The following ZNF287 variants were observed in gnomAD, a reference collection of about 807,000 sequenced individuals.
The protein encoded by ZNF287 is zinc finger protein 287.
Under a neutral mutation model 73.7 loss-of-function variants are expected in ZNF287, and 31 were observed. The observed-to-expected ratio is 0.42, with a 90% CI of 0.32 to 0.57. The LOEUF (loss-of-function observed/expected upper bound fraction) is 0.57, where lower values mean the gene tolerates loss of function less well. Ranked by LOEUF, ZNF287 falls within the 20% of genes least tolerant of loss-of-function variation. The pLI, the probability that ZNF287 is intolerant of heterozygous loss-of-function variation, is 0.13. For missense variants in ZNF287, 641 were observed against 909.3 expected (o/e 0.70, Z 3.79); for synonymous variants, 301 against 307.2 (o/e 0.98, Z 0.21).
chr17:16,568,268 G>T (rs551310670), intron 1 of ZNF287, among the ~76,000 whole-genome samples: 1 of 152,200 alleles, frequency 6.6e-6, no homozygotes, highest in Non-Finnish European at 1.5e-5. Flanking sequence ...TGTAATGACT[G>T]AACGGACTCT....
rs750692974 is a variant in ZNF287 at position 16,563,249 on chromosome 17, T to C, written c.629-17A>G. 6.4e-7 allele frequency: 1 copy of C among 1,569,564 alleles called. No homozygotes were observed. The highest frequency in any genetic ancestry group is 1.7e-4 in the Middle Eastern group (1 of 5,718). ...CTGTAAGTCCTGTTCAGGAGGAATA[T>C]AAAGAATTTTATCCTGGAGATAAAT... is the stretch of plus-strand genomic sequence containing the variant. On this transcript the variant is annotated splice_polypyrimidine_tract_variant and intron_variant, in intron 4 of 5. Coordinates refer to ENST00000395825, the MANE Select transcript of ZNF287 (RefSeq NM_020653.4).
intron 5 of ZNF287, among the ~76,000 whole-genome samples, chr17:16,561,163 A>C (rs180713488): frequency 7.2e-5 from 11 of 152,146 alleles, no homozygotes; most frequent in Admixed American, 6.5e-4. Flanking sequence ...AAAATACAAA[A>C]ACTAGCCGGG....
chr17:16,562,236 G>A (rs540966792), intron 5 of ZNF287, among the ~76,000 whole-genome samples: 5 of 148,880 alleles, frequency 3.4e-5, no homozygotes, highest in Non-Finnish European at 6.0e-5. Context: ...AAAATATGAT[G>A]CAGATATAAA....
At chr17:16,557,546 C>T (rs1907153312) in intron 5 of ZNF287, among the ~76,000 whole-genome samples, 1 of 152,004 alleles carries the variant, frequency 6.6e-6, no homozygotes, top group Non-Finnish European at 1.5e-5. Flanking sequence ...AGTACCCTAA[C>T]CAAAGGTAGA....
Position 16,552,576 on chromosome 17 carries a change from G to A in ZNF287, c.1566C>T (p.His522=), listed in dbSNP as rs768254410. ...TATGTATTTTTTGATGCTGAAGAAG[G>A]TGTGTACTCTGACTGAAAGTCTTCC... ...ECGKTFSQST[H]LLQHQKIHTG... The change falls in exon 6 of 6, where the codon CAC becomes CAT. Residue 522 remains histidine (H), a synonymous_variant. Transcript: ENST00000395825. This position sits in a 1 kb window ranked among gnomAD's most constrained non-coding sequence, Gnocchi z 6.5. 92 of 1,613,950 alleles carry A rather than the reference G, an allele frequency of 5.7e-5. No individual in the cohort carries two copies. The highest frequency in any genetic ancestry group is 7.1e-5 in the Non-Finnish European group (84 of 1,180,006).
In ZNF287 at chr17:16,566,598, T is replaced by G; in HGVS notation, c.428A>C (p.Gln143Pro). Residue 143 changes from glutamine to proline, a missense_variant, in exon 3 of 6, where the codon CAA becomes CCA. Transcript: ENST00000395825. ...EEAPQNSTLS[Q>P]DTPEEDPRGK... ...TCTGGGGTCTTCCTCTGGGGTATCT[T>G]GGGAAAGGGTAGAGTTTTGAGGAGC... 3 of 1,612,836 alleles carry G rather than the reference T, an allele frequency of 1.9e-6. No homozygotes were observed. Among genetic ancestry groups the G allele is most frequent in the Non-Finnish European group, 2.5e-6 (3 of 1,179,516 alleles).
intron 5 of ZNF287, among the ~76,000 whole-genome samples, chr17:16,556,540 A>C (rs998080935): frequency 2.0e-5 from 3 of 152,196 alleles, no homozygotes; most frequent in Non-Finnish European, 4.4e-5. Context: ...AAAAAGTAAT[A>C]AAAAAGAAAA....
In ZNF287 at chr17:16,566,480, A is replaced by T. The variant is rs771121892; in HGVS notation, c.501+45T>A. 7 of 1,541,236 alleles carry T rather than the reference A, an allele frequency of 4.5e-6. No homozygotes were observed. In the South Asian group the frequency reaches 8.1e-5, roughly 18 times the overall value. On this transcript the variant is annotated intron_variant, in intron 3 of 5. Transcript: ENST00000395825. ...GGGCCAGGTCAGAAAATGTCCTCAC[A>T]CACTAAGAAGGCATTTTAAAATCAG... is the stretch of plus-strand genomic sequence containing the variant.
In ZNF287 at chr17:16,548,564, G is replaced by C. The variant is rs1296464237; in HGVS notation, c.*3292C>G. Among the ~76,000 whole-genome samples, 2 of 152,186 alleles carry C rather than the reference G, an allele frequency of 1.3e-5. No homozygotes were observed. The highest frequency in any genetic ancestry group is 4.8e-5 in the African/African-American group (2 of 41,448). ...TGTAATGCCAGTACTTTGGGAGGCTGAGGCGGGTGGATCACGAGGTCAGGA... is the reference window on the plus strand; with the variant it reads ...TGTAATGCCAGTACTTTGGGAGGCTCAGGCGGGTGGATCACGAGGTCAGGA... On this transcript the variant is annotated 3_prime_UTR_variant, in exon 6 of 6. Coordinates refer to ENST00000395825, the MANE Select transcript of ZNF287 (RefSeq NM_020653.4).
intron 5 of ZNF287, chr17:16,559,051 C>T (rs1000433415): frequency 8.6e-5 from 13 of 151,874 alleles, no homozygotes; most frequent in African/African-American, 3.1e-4. Flanking sequence ...CAAGAATATA[C>T]ATAGTATACT....
At chr17:16,561,009 AAAAG>A (rs997571488) in intron 5 of ZNF287, among the ~76,000 whole-genome samples, 4 of 145,400 alleles carry the variant, frequency 2.8e-5, no homozygotes, top group Non-Finnish European at 4.5e-5. Flanking sequence ...TCTCAAAAAA[AAAAG>A]AAAGAAAATC....
chr17:16,568,047 T>A (rs1907861603), intron 1 of ZNF287, 118 bp from the exon 2 acceptor site: 5 of 972,628 alleles, frequency 5.1e-6, no homozygotes, highest in Non-Finnish European at 6.3e-6. Context: ...CTTTACCTTG[T>A]CTTCCTCCCC....
intron 1 of ZNF287, among the ~76,000 whole-genome samples, chr17:16,568,323 A>C (rs1907875798): frequency 6.6e-6 from 1 of 152,072 alleles, no homozygotes; most frequent in Non-Finnish European, 1.5e-5. Context: ...AACTAGGAGA[A>C]TTTCTTCTTA....
At position 16,552,742 on chromosome 17, in the gene ZNF287, A is replaced by C; in HGVS notation, c.1400T>G (p.Leu467Arg). ...CGKDFSQRAH[L>R]TIHQRTHTGE... ...AGTATGTGTCCTTTGATGGATGGTA[A>C]GGTGTGCACGCTGACTGAAGTCTTT... The change falls in exon 6 of 6, where the codon CTT becomes CGT. Residue 467 changes from leucine (L) to arginine (R), a missense_variant. Leu to Arg is a moderately radical substitution (Grantham distance 102). Around this residue, in one of 2 missense-constraint regions of ZNF287, gnomAD observed 284 missense variants for 466.8 expected, o/e 0.61. Transcript: ENST00000395825. The surrounding 1 kb of genome is among the most constrained non-coding windows in gnomAD (Gnocchi z 6.5). 1 of 1,614,078 alleles carries C rather than the reference A, an allele frequency of 6.2e-7. No individual in the cohort carries two copies. Among genetic ancestry groups the C allele is most frequent in the Non-Finnish European group, 8.5e-7 (1 of 1,180,014 alleles).
At position 16,552,284 on chromosome 17, in the gene ZNF287, A is replaced by G. The variant is rs1366616126; in HGVS notation, c.1858T>C (p.Tyr620His). The G allele has an allele frequency of 1.2e-6, 2 of 1,613,992 alleles. No homozygotes were observed. The highest frequency in any genetic ancestry group is 4.5e-5 in the East Asian group (2 of 44,872). Residue 620 changes from tyrosine (Y) to histidine (H), a missense_variant, in exon 6 of 6, where the codon TAT becomes CAT. Tyr to His is a moderately conservative substitution (Grantham distance 83). This residue lies in a region of ZNF287 where 284 missense variants were observed against 466.8 expected (regional missense o/e 0.61). Coordinates refer to ENST00000395825, the MANE Select transcript of ZNF287 (RefSeq NM_020653.4). The surrounding 1 kb of genome is among the most constrained non-coding windows in gnomAD (Gnocchi z 6.5). The stretch of plus-strand genomic sequence containing the variant: ...GCTTTCCCACACACACTGCATTTAT[A>G]TGGTTTCTCTCCAGTATGTGTTCTA... The part of the protein sequence containing the change: ...HHRTHTGEKP[Y>H]KCSVCGKAFS...
At chr17:16,555,626 A>C (rs1205024180) in intron 5 of ZNF287, among the ~76,000 whole-genome samples, 1 of 150,940 alleles carries the variant, frequency 6.6e-6, no homozygotes, top group African/African-American at 2.5e-5. Context: ...ACACACACAC[A>C]CACACACACA....
Position 16,551,039 on chromosome 17 carries a change from A to G in ZNF287, c.*817T>C, listed in dbSNP as rs905392756. On this transcript the variant is annotated 3_prime_UTR_variant, in exon 6 of 6. Coordinates refer to ENST00000395825, the MANE Select transcript of ZNF287 (RefSeq NM_020653.4). ...ATATCTTTCATTAAGCTTCTCTTTA[A>G]TATTTCCATATCTGAGGGAAGGTGT... Among the ~76,000 whole-genome samples the G allele has an allele frequency of 1.3e-5, 2 of 152,242 alleles. No individual in the cohort carries two copies. The highest frequency in any genetic ancestry group is 3.9e-4 in the East Asian group (2 of 5,180).
rs777636810 is a variant in ZNF287 at position 16,553,054 on chromosome 17, G to A, written c.1088C>T (p.Pro363Leu). ...ATTACACTTGTAAGGCTTCTCTCCA[G>A]GAAGTATTTTCCTATGTACAATACC... ...SYGIVHRKILPGEKPYKCNVC... is the reference protein window; with the variant it reads ...SYGIVHRKILLGEKPYKCNVC... The change falls in exon 6 of 6, where the codon CCT becomes CTT. Residue 363 changes from proline (P) to leucine (L), a missense_variant. Pro to Leu is a moderately conservative substitution (Grantham distance 98, BLOSUM62 -3). This residue lies in a region of ZNF287 where 357 missense variants were observed against 442.4 expected (regional missense o/e 0.81). Transcript: ENST00000395825. 6.2e-7 allele frequency: 1 copy of A among 1,614,118 alleles called. No individual in the cohort carries two copies. Among genetic ancestry groups the A allele is most frequent in the Non-Finnish European group, 8.5e-7 (1 of 1,180,002 alleles).
In ZNF287 at chr17:16,569,145, G is replaced by GAAGCCCGGCCCAGA. The variant is rs1272215038; in HGVS notation, c.-406_-393dup. On this transcript the variant is annotated 5_prime_UTR_variant, in exon 1 of 6. Coordinates refer to ENST00000395825, the MANE Select transcript of ZNF287 (RefSeq NM_020653.4). ...GCTGCACGTTCCAGCCCGGTCCTGAGAAGCCCGGCCCAGAAACCCCGGCGC... is the reference window on the plus strand; with the variant it reads ...GCTGCACGTTCCAGCCCGGTCCTGAGAAGCCCGGCCCAGAAAGCCCGGCCCAGAAACCCCGGCGC... The GAAGCCCGGCCCAGA allele has an allele frequency of 6.6e-6, 1 of 152,416 alleles. No homozygotes were observed. The highest frequency in any genetic ancestry group is 2.4e-5 in the African/African-American group (1 of 41,476). The allele number at this position is 152,416 out of a possible 1,614,324, so 9.4% of individuals were successfully genotyped here.
Sources: gnomAD v4.1 joint callset for allele counts (sites outside exome capture counted in the v4.1 genomes callset) on GRCh38, gnomAD v4.1.1 for gene constraint, gnomAD v4.1.1 regional missense constraint, Gnocchi (gnomAD v3.1) non-coding constraint, MANE v1.5 for transcripts, NCBI Gene and HGNC (gene_info 2026-07-23, HGNC 2026-07-21) for gene names.